RAB11FIP1: variants seen among roughly 807,000 people sequenced by gnomAD.
The protein encoded by RAB11FIP1 is rab11 family-interacting protein 1.
In RAB11FIP1, 49 loss-of-function variants were observed where a neutral mutation model predicts 83.1. The ratio of observed to expected loss-of-function variants is 0.59; its 90% CI spans 0.47 to 0.75. RAB11FIP1 has a LOEUF of 0.75. Among genes scored for constraint, RAB11FIP1 ranks in the 30% least tolerant of loss-of-function variants. The pLI is 0.00. For synonymous variants in RAB11FIP1, 670 were observed against 656.0 expected (o/e 1.02, Z -0.33); for missense variants, 1,536 against 1,598.7 (o/e 0.96, Z 0.67).
intron 1 of RAB11FIP1, among the ~76,000 whole-genome samples, chr8:37,889,189 C>T (rs185272042): frequency 4.6e-5 from 7 of 152,116 alleles, no homozygotes; most frequent in African/African-American, 1.7e-4. Flanking sequence ...AACAGAGGGC[C>T]CTCGAACTCT....
intron 1 of RAB11FIP1, among the ~76,000 whole-genome samples, chr8:37,884,395 C>T (rs1367699529): frequency 6.6e-6 from 1 of 151,888 alleles, no homozygotes; most frequent in Non-Finnish European, 1.5e-5. Flanking sequence ...TATACACACA[C>T]ATATATATTT....
intron 1 of RAB11FIP1, among the ~76,000 whole-genome samples, chr8:37,895,907 A>G (rs1189274090): frequency 6.6e-6 from 1 of 152,060 alleles, no homozygotes; most frequent in East Asian, 1.9e-4. Flanking sequence ...CACACAATCT[A>G]CAGACCAAGA....
rs544144122 is a variant in RAB11FIP1 at position 37,861,885 on chromosome 8, G to A, written c.*1010C>T. 6.7e-4 allele frequency: 150 copies of A among 222,308 alleles called. No individual in the cohort carries two copies. Among genetic ancestry groups the A allele is most frequent in the African/African-American group, 2.9e-3 (120 of 42,084 alleles). 13.8% of individuals were successfully genotyped at this position (222,308 alleles called of 1,614,324 possible). ...ATTACAGGCATGAGCCACCACGACT[G>A]GCCTGAAGGGGCTTCTTCATCTTGG... On this transcript the variant is annotated 3_prime_UTR_variant, in exon 6 of 6. Coordinates refer to ENST00000330843, the MANE Select transcript of RAB11FIP1 (RefSeq NM_001002814.3).
chr8:37,895,494 CG>C (rs1807067344), intron 1 of RAB11FIP1, among the ~76,000 whole-genome samples: 1 of 150,028 alleles, frequency 6.7e-6, no homozygotes, highest in Non-Finnish European at 1.5e-5. Context: ...ATTGGTCACC[CG>C]ATTCTACCTG....
chr8:37,872,549 GTC>G lies in RAB11FIP1; in HGVS notation c.2251_2252del (p.Asp751LeufsTer18), dbSNP rs1323638366. 1 of 1,614,226 alleles carries G rather than the reference GTC, an allele frequency of 6.2e-7. No homozygotes were observed. The highest frequency in any genetic ancestry group is 8.5e-7 in the Non-Finnish European group (1 of 1,180,048). On this transcript the variant is annotated frameshift_variant, in exon 4 of 6. Coordinates refer to ENST00000330843, the MANE Select transcript of RAB11FIP1 (RefSeq NM_001002814.3). LOFTEE classifies it high-confidence loss of function. ...CAAGAGACCCAGCCTGACTCTCCAA[GTC>G]TCTGTCTCCTCCTGCTGCAAGCTCC... The part of the protein sequence containing the change: ...VGELAAGGDR[D>X]LESQAGSLVE...
At position 37,872,100 on chromosome 8, in the gene RAB11FIP1, T is replaced by C; in HGVS notation, c.2702A>G (p.Glu901Gly). The C allele has an allele frequency of 1.9e-6, 3 of 1,614,034 alleles. No individual in the cohort carries two copies. The highest frequency in any genetic ancestry group is 2.5e-6 in the Non-Finnish European group (3 of 1,180,002). ...EESFSEVPMSEASSAKDTPLF... is the reference protein window; with the variant it reads ...EESFSEVPMSGASSAKDTPLF... ...TGGAGTGTCTTTCGCTGAGCTTGCT[T>C]CACTCATGGGGACTTCGGAGAAACT... Residue 901 changes from glutamate to glycine, a missense_variant, in exon 4 of 6, where the codon GAA becomes GGA. Transcript: ENST00000330843.
chr8:37,886,676 G>A (rs997740347), intron 1 of RAB11FIP1, among the ~76,000 whole-genome samples: 21 of 152,308 alleles, frequency 1.4e-4, no homozygotes, highest in African/African-American at 4.6e-4. Flanking sequence ...GGCCTCGAGT[G>A]AGGAAAGAAG....
At chr8:37,875,562 C>T (rs1191670682) in intron 2 of RAB11FIP1, among the ~76,000 whole-genome samples, 1 of 152,146 alleles carries the variant, frequency 6.6e-6, no homozygotes, top group African/African-American at 2.4e-5. Context: ...GGTTGAGAAA[C>T]TCTGGGTTAA....
At chr8:37,891,607 G>T (rs1040631876) in intron 1 of RAB11FIP1, among the ~76,000 whole-genome samples, 1 of 152,146 alleles carries the variant, frequency 6.6e-6, no homozygotes, top group East Asian at 1.9e-4. Context: ...TTCCTCTGAT[G>T]GGAGTTACAG....
Position 37,862,909 on chromosome 8 carries a change from C to CT in RAB11FIP1, c.3837dup (p.Ala1280SerfsTer17). The CT allele has an allele frequency of 6.2e-7, 1 of 1,610,034 alleles. No individual in the cohort carries two copies. Among genetic ancestry groups the CT allele is most frequent in the Non-Finnish European group, 8.5e-7 (1 of 1,177,206 alleles). ...TTTCTGCTGATTTACATCTTTCCTGCTTTTTTGCCAACCTGAGTCGGGATG... is the reference window on the plus strand; with the variant it reads ...TTTCTGCTGATTTACATCTTTCCTGCTTTTTTTGCCAACCTGAGTCGGGATG... On this transcript the variant is annotated frameshift_variant, in exon 6 of 6. Coordinates refer to ENST00000330843, the MANE Select transcript of RAB11FIP1 (RefSeq NM_001002814.3). LOFTEE classifies it high-confidence loss of function.
intron 1 of RAB11FIP1, among the ~76,000 whole-genome samples, chr8:37,890,205 C>A (rs1215129396): frequency 6.6e-6 from 1 of 152,310 alleles, no homozygotes; most frequent in Non-Finnish European, 1.5e-5. Flanking sequence ...CATCTGGGGC[C>A]CCAGTCGACT....
Position 37,899,144 on chromosome 8 carries a change from G to A in RAB11FIP1, c.298C>T (p.Leu100Phe), listed in dbSNP as rs371070035. The change falls in exon 1 of 6, where the codon CTC becomes TTC. Residue 100 changes from leucine to phenylalanine, a missense_variant. Coordinates refer to ENST00000330843, the MANE Select transcript of RAB11FIP1 (RefSeq NM_001002814.3). This position sits in a 1 kb window ranked among gnomAD's most constrained non-coding sequence, Gnocchi z 4.5. ...LTVLHRALLG[L>F]DKFLGRAEVD... ...TCGGCGCGGCCCAGGAACTTGTCGA[G>A]GCCGAGCAGCGCGCGGTGCAGCACG... 1 of 1,545,210 alleles carries A rather than the reference G, an allele frequency of 6.5e-7. No individual in the cohort carries two copies. The highest frequency in any genetic ancestry group is 1.2e-5 in the South Asian group (1 of 85,254).
At position 37,872,079 on chromosome 8, in the gene RAB11FIP1, GTGTCTTTCGC is replaced by G. The variant is rs1383639180; in HGVS notation, c.2713_2722del (p.Ala905LeufsTer13). 6.2e-7 allele frequency: 1 copy of G among 1,614,156 alleles called. No homozygotes were observed. Among genetic ancestry groups the G allele is most frequent in the South Asian group, 1.1e-5 (1 of 91,088 alleles). On this transcript the variant is annotated frameshift_variant, in exon 4 of 6. Coordinates refer to ENST00000330843, the MANE Select transcript of RAB11FIP1 (RefSeq NM_001002814.3). LOFTEE classifies it high-confidence loss of function. ...CTCTCCCTCCATCCTAAAGAGTGGAGTGTCTTTCGCTGAGCTTGCTTCACTCATGGGGACT... is the reference window on the plus strand; with the variant it reads ...CTCTCCCTCCATCCTAAAGAGTGGAGTGAGCTTGCTTCACTCATGGGGACT...
At position 37,871,422 on chromosome 8, in the gene RAB11FIP1, TGA is replaced by T; in HGVS notation, c.3378_3379del (p.Gln1127LysfsTer11). 6.2e-7 allele frequency: 1 copy of T among 1,612,154 alleles called. No individual in the cohort carries two copies. Among genetic ancestry groups the T allele is most frequent in the African/African-American group, 1.3e-5 (1 of 74,954 alleles). On this transcript the variant is annotated frameshift_variant, in exon 4 of 6. Transcript: ENST00000330843. LOFTEE classifies it high-confidence loss of function. ...GGAGCCCTCTGCTGTGGCTTTTTTT[TGA>T]GATTCTGCTGTGCTGGTGTGGTGAG...
chr8:37,881,153 A>C (rs558781020), intron 1 of RAB11FIP1, among the ~76,000 whole-genome samples: 22 of 152,362 alleles, frequency 1.4e-4, no homozygotes, highest in Middle Eastern at 6.8e-3. Context: ...TCTTCATTTC[A>C]GCCTCACAAG....
intron 1 of RAB11FIP1, among the ~76,000 whole-genome samples, chr8:37,897,772 T>C (rs1563377346): frequency 6.6e-6 from 1 of 152,036 alleles, no homozygotes; most frequent in Admixed American, 6.6e-5. Flanking sequence ...TTTACTAACA[T>C]GGGGCCCAGG....
chr8:37,878,285 A>G (rs1382487803), intron 1 of RAB11FIP1, among the ~76,000 whole-genome samples: 2 of 151,978 alleles, frequency 1.3e-5, no homozygotes, highest in African/African-American at 4.8e-5. Context: ...CTGTAATCCC[A>G]GCACTTTGGG....
At chr8:37,877,005 T>C (rs1240248133) in intron 2 of RAB11FIP1, 104 bp downstream of exon 2, 6 of 862,546 alleles carry the variant, frequency 7.0e-6, no homozygotes, top group Admixed American at 5.4e-5. Flanking sequence ...AATTGAGGAA[T>C]TGAATTAAAC....
intron 5 of RAB11FIP1, 148 bp downstream of exon 5, chr8:37,870,272 G>T: frequency 2.0e-6 from 1 of 506,440 alleles, no homozygotes; most frequent in South Asian, 3.4e-5. Context: ...AATGTCTGGG[G>T]GCTTCCAAAG....
Sources: gnomAD v4.1 joint callset for allele counts (sites outside exome capture counted in the v4.1 genomes callset) on GRCh38, gnomAD v4.1.1 for gene constraint, Gnocchi (gnomAD v3.1) non-coding constraint, MANE v1.5 for transcripts, NCBI Gene and HGNC (gene_info 2026-07-23, HGNC 2026-07-21) for gene names.